The following CNTN4 variants were observed in gnomAD, a reference collection of about 807,000 sequenced individuals.
CNTN4 encodes contactin 4.
A neutral mutation model predicts 122.5 loss-of-function variants in CNTN4; 77 were observed. The ratio of observed to expected loss-of-function variants is 0.63; its 90% CI spans 0.52 to 0.76. CNTN4 has a LOEUF of 0.76. Ranked by LOEUF, CNTN4 falls within the 30% of genes least tolerant of loss-of-function variation. CNTN4 has a pLI of 0.00. For synonymous variants in CNTN4, 512 were observed against 447.0 expected, an observed-to-expected ratio of 1.15 and a Z score of -1.83; for missense variants, 1,256 against 1,259.1, an observed-to-expected ratio of 1.00 and a Z score of 0.04.
chr3:2,430,674 AT>A (rs1311162530), intron 3 of CNTN4, among the ~76,000 whole-genome samples: 3 of 151,312 alleles, frequency 2.0e-5, no homozygotes, highest in Middle Eastern at 6.3e-3. Context: ...CTAGAGGTGC[AT>A]TATATTTAGC....
chr3:2,312,738 G>A (rs1290300274), intron 2 of CNTN4, among the ~76,000 whole-genome samples: 1 of 151,990 alleles, frequency 6.6e-6, no homozygotes, highest in Non-Finnish European at 1.5e-5. Context: ...TTTTCCAAAT[G>A]TTGGAGAAAC....
At chr3:2,723,914 C>A (rs899382147) in intron 4 of CNTN4, among the ~76,000 whole-genome samples, 32 of 152,124 alleles carry the variant, frequency 2.1e-4, no homozygotes, top group Admixed American at 2.0e-3. Flanking sequence ...GTCTCCAGGC[C>A]TCTCTTTTCC....
chr3:2,347,222 A>T (rs2044429765), intron 3 of CNTN4, among the ~76,000 whole-genome samples: 1 of 152,136 alleles, frequency 6.6e-6, no homozygotes, highest in South Asian at 2.1e-4. Context: ...TCTCAATGAA[A>T]GTTAACAGGG....
chr3:2,584,651 C>T lies in CNTN4; in HGVS notation c.55+13093C>T, dbSNP rs1320417229. Among the ~76,000 whole-genome samples, 4 of 128,824 alleles carry T rather than the reference C, an allele frequency of 3.1e-5. No individual in the cohort carries two copies. The East Asian group carries it at 9.5e-4, about 31-fold the overall frequency. The allele number at this position is 128,824 out of a possible 152,430, so 84.5% of individuals were successfully genotyped here. On this transcript the variant is annotated intron_variant, in intron 4 of 24. Transcript: ENST00000418658. ...GGTGGAGGTTGCAGTGAGCTGAGAT[C>T]GTGCCACTGTACTCCAGCCTGGATG...
intron 3 of CNTN4, among the ~76,000 whole-genome samples, chr3:2,452,363 C>T (rs570796847): frequency 7.2e-5 from 11 of 152,246 alleles, no homozygotes; most frequent in Non-Finnish European, 1.6e-4. Flanking sequence ...CATGCGAATT[C>T]ACCGAGGCTT....
chr3:2,274,434 T>C lies in CNTN4; in HGVS notation c.-144-64744T>C, dbSNP rs139095987. Among the ~76,000 whole-genome samples the C allele has an allele frequency of 3.3e-3, 502 of 152,214 alleles. 3 individuals are homozygous for C. The highest frequency in any genetic ancestry group is 0.011 in the African/African-American group (477 of 41,558). Reference sequence around the variant, plus strand: ...ACAACCCAGGAATCATTCTAGACATTATTTGTTTCTCAAATCTGTAATTGT... The same window carrying C: ...ACAACCCAGGAATCATTCTAGACATCATTTGTTTCTCAAATCTGTAATTGT... On this transcript the variant is annotated intron_variant, in intron 2 of 24. Transcript: ENST00000418658.
intron 4 of CNTN4, among the ~76,000 whole-genome samples, chr3:2,666,791 T>A (rs1006549414): frequency 7.5e-6 from 1 of 133,506 alleles, no homozygotes; most frequent in Non-Finnish European, 1.6e-5. Flanking sequence ...CCCTTTCCTG[T>A]GTCCATGTGT....
chr3:2,438,754 A>G (rs2653492), intron 3 of CNTN4, among the ~76,000 whole-genome samples: 143,296 of 152,232 alleles, frequency 0.94, 67,487 homozygotes, highest in East Asian at 0.99. Flanking sequence ...GTGCGGTAAT[A>G]GCAGGCTAAA....
At chr3:2,634,126 G>GT (rs2082557343) in intron 4 of CNTN4, among the ~76,000 whole-genome samples, 1 of 152,168 alleles carries the variant, frequency 6.6e-6, no homozygotes, top group Admixed American at 6.5e-5. Context: ...AATTAAAAAT[G>GT]TATTAGTTTC....
intron 8 of CNTN4, among the ~76,000 whole-genome samples, chr3:2,870,835 G>T (rs2093775819): frequency 6.6e-6 from 1 of 152,184 alleles, no homozygotes; most frequent in South Asian, 2.1e-4. Flanking sequence ...CAGCTAAGCA[G>T]TCTGGACTAT....
At chr3:2,328,607 C>A (rs1474956800) in intron 2 of CNTN4, among the ~76,000 whole-genome samples, 1 of 151,960 alleles carries the variant, frequency 6.6e-6, no homozygotes, top group African/African-American at 2.4e-5. Context: ...AGTTGGCCCT[C>A]CATATCCTTG....
At chr3:2,108,091 C>G (rs1045821604) in intron 2 of CNTN4, among the ~76,000 whole-genome samples, 2 of 152,022 alleles carry the variant, frequency 1.3e-5, no homozygotes, top group East Asian at 3.9e-4. Context: ...CTTCCCTGTT[C>G]CTATCCTCCC....
intron 3 of CNTN4, among the ~76,000 whole-genome samples, chr3:2,389,703 C>G (rs576973376): frequency 6.6e-6 from 1 of 152,128 alleles, no homozygotes; most frequent in African/African-American, 2.4e-5. Flanking sequence ...AAGGGAAGAA[C>G]AGGAACTTTA....
intron 4 of CNTN4, among the ~76,000 whole-genome samples, chr3:2,689,874 C>G (rs2085635318): frequency 6.6e-6 from 1 of 152,096 alleles, no homozygotes; most frequent in African/African-American, 2.4e-5. Context: ...TTCACTGTTT[C>G]ACATATATTC....
intron 4 of CNTN4, among the ~76,000 whole-genome samples, chr3:2,613,012 A>G (rs867693328): frequency 6.6e-6 from 1 of 152,108 alleles, no homozygotes; most frequent in Non-Finnish European, 1.5e-5. Context: ...TAAGAACACA[A>G]TGTTGTAGAA....
intron 21 of CNTN4, chr3:3,042,745 C>T (rs535444056): frequency 7.2e-5 from 43 of 596,542 alleles, no homozygotes; most frequent in East Asian, 3.6e-4. Flanking sequence ...AAATAATGAA[C>T]GACGGTTGTG....
intron 10 of CNTN4, among the ~76,000 whole-genome samples, chr3:2,897,719 T>C (rs2094130598): frequency 6.6e-6 from 1 of 152,204 alleles, no homozygotes; most frequent in African/African-American, 2.4e-5. Context: ...AACAAAGTTT[T>C]CACTGTATTT....
chr3:2,645,123 C>G (rs1225792721), intron 4 of CNTN4, among the ~76,000 whole-genome samples: 4 of 151,930 alleles, frequency 2.6e-5, no homozygotes, highest in Non-Finnish European at 5.9e-5. Flanking sequence ...ATTTTTCAGA[C>G]ATGAAAATTG....
intron 3 of CNTN4, among the ~76,000 whole-genome samples, chr3:2,547,607 A>G (rs2078302733): frequency 6.6e-6 from 1 of 152,066 alleles, no homozygotes; most frequent in Admixed American, 6.6e-5. Flanking sequence ...ATTCAAGAAG[A>G]AATATTCAGT....
Sources: gnomAD v4.1 joint callset for allele counts (sites outside exome capture counted in the v4.1 genomes callset) on GRCh38, gnomAD v4.1.1 for gene constraint, MANE v1.5 for transcripts, NCBI Gene and HGNC (gene_info 2026-07-23, HGNC 2026-07-21) for gene names.